Variants in ESRP1 observed in about 807,000 individuals in gnomAD.
The protein encoded by ESRP1 is epithelial splicing regulatory protein 1.
In ESRP1, 33 loss-of-function variants were observed where a neutral mutation model predicts 81.7. The observed-to-expected ratio is 0.40, with a 90% CI of 0.31 to 0.54. The LOEUF (loss-of-function observed/expected upper bound fraction) is 0.54, where lower values mean the gene tolerates loss of function less well. Among genes scored for constraint, ESRP1 ranks in the 20% least tolerant of loss-of-function variants. The pLI, the probability that ESRP1 is intolerant of heterozygous loss-of-function variation, is 0.41. For missense variants in ESRP1, 672 were observed against 833.1 expected (o/e 0.81, Z 2.38); for synonymous variants, 320 against 303.3 (o/e 1.06, Z -0.57).
At chr8:94,648,121 G>C (rs1448953626) in intron 4 of ESRP1, among the ~76,000 whole-genome samples, 1 of 152,190 alleles carries the variant, frequency 6.6e-6, no homozygotes, top group South Asian at 2.1e-4. Flanking sequence ...GCTGGACGTG[G>C]TTGCATGAGA....
At chr8:94,661,638 A>G (rs1355926225) in intron 4 of ESRP1, among the ~76,000 whole-genome samples, 2 of 152,204 alleles carry the variant, frequency 1.3e-5, no homozygotes, top group East Asian at 1.9e-4. Flanking sequence ...TTCAAAGAGT[A>G]TACTTTTGGT....
At chr8:94,647,379 T>G (rs1817903113) in intron 4 of ESRP1, among the ~76,000 whole-genome samples, 1 of 152,204 alleles carries the variant, frequency 6.6e-6, no homozygotes, top group Admixed American at 6.5e-5. Context: ...GAATGTTGTA[T>G]TAGACAGCTC....
At chr8:94,682,063 G>T (rs1296617329) in intron 13 of ESRP1, among the ~76,000 whole-genome samples, 1 of 152,182 alleles carries the variant, frequency 6.6e-6, no homozygotes, top group African/African-American at 2.4e-5. Context: ...TCAGAAGAGG[G>T]TTTCAGTTTT....
intron 6 of ESRP1, among the ~76,000 whole-genome samples, chr8:94,663,584 G>A (rs997781039): frequency 2.0e-5 from 3 of 152,148 alleles, no homozygotes; most frequent in African/African-American, 7.2e-5. Flanking sequence ...AATAGCTGGG[G>A]AGAAGTATGA....
intron 4 of ESRP1, among the ~76,000 whole-genome samples, chr8:94,659,837 A>G (rs1269897628): frequency 1.3e-5 from 2 of 152,238 alleles, no homozygotes; most frequent in Non-Finnish European, 2.9e-5. Flanking sequence ...TATTGCTATG[A>G]TATGGAGAGA....
intron 9 of ESRP1, 75 bp downstream of exon 9, chr8:94,665,271 T>A: frequency 1.5e-6 from 2 of 1,377,722 alleles, no homozygotes; most frequent in East Asian, 2.4e-5. Flanking sequence ...TTAGCAAGAG[T>A]AGGTGAATAG....
At chr8:94,652,480 T>TG (rs1818194426) in intron 4 of ESRP1, among the ~76,000 whole-genome samples, 1 of 99,106 alleles carries the variant, frequency 1.0e-5, no homozygotes, top group African/African-American at 4.9e-5. Flanking sequence ...GCTTCTGTGG[T>TG]TTTTTTTTTT....
chr8:94,699,584 G>A (rs1376746462), intron 15 of ESRP1, among the ~76,000 whole-genome samples: 2 of 152,130 alleles, frequency 1.3e-5, no homozygotes, highest in African/African-American at 2.4e-5. Context: ...AGGTTGCAGT[G>A]AGCCATGATT....
intron 15 of ESRP1, among the ~76,000 whole-genome samples, chr8:94,703,506 G>A (rs1049687436): frequency 6.6e-6 from 1 of 152,084 alleles, no homozygotes; most frequent in African/African-American, 2.4e-5. Context: ...GTTCGAGAAG[G>A]CTAAACGTTT....
chr8:94,641,196 G>A lies in ESRP1; in HGVS notation c.-123G>A, dbSNP rs1586162819. 4.1e-6 allele frequency: 4 copies of A among 971,974 alleles called. No homozygotes were observed. Among genetic ancestry groups the A allele is most frequent in the South Asian group, 1.8e-5 (1 of 56,208 alleles). The allele number at this position is 971,974 out of a possible 1,614,324, so 60.2% of individuals were successfully genotyped here. A position where few individuals can be genotyped will look rare whatever the true frequency, so the allele number is the denominator to read the frequency against. ...CGCCTTTTGCACTAGCAGTAGCAAG[G>A]AAGGGGGGTGGGCGCTCTTTCTTTT... On this transcript the variant is annotated 5_prime_UTR_variant, in exon 1 of 16. Transcript: ENST00000433389.
chr8:94,679,215 T>G (rs1808766176), intron 13 of ESRP1, among the ~76,000 whole-genome samples: 1 of 152,246 alleles, frequency 6.6e-6, no homozygotes, highest in South Asian at 2.1e-4. Context: ...GTTAGAAGTT[T>G]TTAAAACATT....
rs781278831 is a variant in ESRP1, at chr8:94,674,382, T to A, written c.1527T>A (p.His509Gln). 6.2e-7 allele frequency: 1 copy of A among 1,613,424 alleles called. No homozygotes were observed. Among genetic ancestry groups the A allele is most frequent in the Admixed American group, 1.7e-5 (1 of 59,942 alleles). ...DRAFMAAQKCHKKNMKDRYVE... is the reference protein window; with the variant it reads ...DRAFMAAQKCQKKNMKDRYVE... The stretch of plus-strand genomic sequence containing the variant: ...CATTTATGGCTGCACAGAAGTGTCA[T>A]AAAAAAAACATGAAGGACAGATATG... The change falls in exon 12 of 16, where the codon CAT becomes CAA. Residue 509 changes from histidine to glutamine, a missense_variant. By Grantham distance (24) the His-to-Gln change is conservative (BLOSUM62 0). Transcript: ENST00000433389.
chr8:94,659,991 TTTATGAGA>T (rs1433739848), intron 4 of ESRP1, among the ~76,000 whole-genome samples: 1 of 152,146 alleles, frequency 6.6e-6, no homozygotes, highest in East Asian at 1.9e-4. Context: ...CAGAGATTGG[TTTATGAGA>T]TTCAAGGAAA....
intron 4 of ESRP1, among the ~76,000 whole-genome samples, chr8:94,648,321 C>T (rs1377493891): frequency 6.6e-6 from 1 of 152,176 alleles, no homozygotes; most frequent in Non-Finnish European, 1.5e-5. Flanking sequence ...ATGTCTTTCT[C>T]ATTTAACAAG....
intron 13 of ESRP1, among the ~76,000 whole-genome samples, chr8:94,683,452 A>G (rs1030987082): frequency 1.3e-5 from 2 of 152,218 alleles, no homozygotes; most frequent in African/African-American, 4.8e-5. Context: ...ATTCACATGC[A>G]GTTGTAACAA....
intron 9 of ESRP1, among the ~76,000 whole-genome samples, chr8:94,666,079 C>CTA (rs924970197): frequency 2.6e-5 from 4 of 152,074 alleles, no homozygotes; most frequent in African/African-American, 7.2e-5. Context: ...TGATTTTTTT[C>CTA]TATATATATA....
rs1247133334 is a variant in ESRP1, at chr8:94,671,600, A to C, written c.1381A>C (p.Ile461Leu). Residue 461 changes from isoleucine (I) to leucine (L), a missense_variant, in exon 11 of 16, where the codon ATC becomes CTC. Coordinates refer to ENST00000433389, the MANE Select transcript of ESRP1 (RefSeq NM_017697.4). ...TCCCTATGCAGCCACAATTGAGGACATCCTGGATTTCCTGGGGGAGTTCGC... is the reference window on the plus strand; with the variant it reads ...TCCCTATGCAGCCACAATTGAGGACCTCCTGGATTTCCTGGGGGAGTTCGC... ...GLPYAATIED[I>L]LDFLGEFATD... 2 of 1,613,960 alleles carry C rather than the reference A, an allele frequency of 1.2e-6. No homozygotes were observed. Among genetic ancestry groups the C allele is most frequent in the Non-Finnish European group, 1.7e-6 (2 of 1,179,884 alleles).
intron 4 of ESRP1, among the ~76,000 whole-genome samples, chr8:94,651,239 CTTT>C (rs35413910): frequency 9.7e-4 from 100 of 102,780 alleles, no homozygotes; most frequent in Non-Finnish European, 1.4e-3. Flanking sequence ...ATAGTGTGGT[CTTT>C]TTTTTTTTTT....
intron 13 of ESRP1, among the ~76,000 whole-genome samples, chr8:94,682,909 TATATATATA>T (rs1369578670): frequency 3.9e-5 from 1 of 25,748 alleles, no homozygotes; most frequent in African/African-American, 2.1e-4. Flanking sequence ...TTATTTTATA[TATATATATA>T]TATATATATA....
Sources: gnomAD v4.1 joint callset for allele counts (sites outside exome capture counted in the v4.1 genomes callset) on GRCh38, gnomAD v4.1.1 for gene constraint, MANE v1.5 for transcripts, NCBI Gene and HGNC (gene_info 2026-07-23, HGNC 2026-07-21) for gene names.